The following OR14A2 variants were observed in gnomAD, a reference collection of about 807,000 sequenced individuals.
OR14A2 encodes olfactory receptor family 14 subfamily A member 2.
For missense variants in OR14A2, 237 were observed against 152.9 expected (o/e 1.55, Z -2.90); for synonymous variants, 114 against 58.6 (o/e 1.95, Z -4.32).
At chr1:247,734,036 G>A in the OR14A2 span, among the ~76,000 whole-genome samples, 2 of 152,156 alleles carry the variant, frequency 1.3e-5, no homozygotes, top group Non-Finnish European at 2.9e-5. Context: ...TTTATATTAT[G>A]TTACAGGTTG....
At chr1:247,735,197 C>G in the OR14A2 span, among the ~76,000 whole-genome samples, 1 of 152,118 alleles carries the variant, frequency 6.6e-6, no homozygotes, top group African/African-American at 2.4e-5. Flanking sequence ...GGCTTAAATC[C>G]AGAGTGAGAG....
At chr1:247,729,852 A>G in the OR14A2 span, among the ~76,000 whole-genome samples, 2 of 152,180 alleles carry the variant, frequency 1.3e-5, no homozygotes, top group East Asian at 1.9e-4. Context: ...GCAGGTTTCA[A>G]TTTTACAAAA....
the OR14A2 span, among the ~76,000 whole-genome samples, chr1:247,745,670 G>A: frequency 4.0e-5 from 6 of 151,722 alleles, no homozygotes; most frequent in Non-Finnish European, 8.8e-5. Context: ...CTTAAGCAAA[G>A]CAATAAAAAT....
chr1:247,741,096 A>G, the OR14A2 span, among the ~76,000 whole-genome samples: 1 of 152,202 alleles, frequency 6.6e-6, no homozygotes, highest in African/African-American at 2.4e-5. Context: ...GAGTCTAGCT[A>G]TAAAATATTA....
At chr1:247,729,174 A>G in the OR14A2 span, among the ~76,000 whole-genome samples, 9 of 152,182 alleles carry the variant, frequency 5.9e-5, no homozygotes, top group African/African-American at 2.2e-4. Context: ...TGTTTTAAAT[A>G]TTTTCTGAAT....
chr1:247,730,794 G>C, the OR14A2 span, among the ~76,000 whole-genome samples: 1 of 152,042 alleles, frequency 6.6e-6, no homozygotes, highest in Non-Finnish European at 1.5e-5. Flanking sequence ...TGCTATCCCA[G>C]CCCAAGAAGA....
chr1:247,743,434 A>G, the OR14A2 span, among the ~76,000 whole-genome samples: 2 of 152,326 alleles, frequency 1.3e-5, no homozygotes, highest in South Asian at 2.1e-4. Context: ...GATTGGCCTC[A>G]AGGGACAAAG....
upstream of OR14A2, among the ~76,000 whole-genome samples, chr1:247,726,382 T>C (rs1660358069): frequency 2.1e-5 from 3 of 141,688 alleles, no homozygotes; most frequent in South Asian, 7.0e-4. Context: ...TGGGGTTGTT[T>C]GTTTTTTTCT....
At chr1:247,735,601 G>A in the OR14A2 span, among the ~76,000 whole-genome samples, 1 of 152,138 alleles carries the variant, frequency 6.6e-6, no homozygotes, top group Non-Finnish European at 1.5e-5. Flanking sequence ...GACCTCCCAG[G>A]AGAGTCCCAT....
At chr1:247,723,361 G>C (rs1190055850) in exon 1 of OR14A2, 4 of 717,458 alleles carry the variant, frequency 5.6e-6, no homozygotes, top group Admixed American at 2.0e-5. Flanking sequence ...ACCTTTAGTG[G>C]TAGGGATCTT....
chr1:247,737,748 T>C, the OR14A2 span, among the ~76,000 whole-genome samples: 4 of 152,214 alleles, frequency 2.6e-5, no homozygotes, highest in Admixed American at 6.5e-5. Flanking sequence ...GGGAAAAACA[T>C]GGCCAAAACT....
the OR14A2 span, among the ~76,000 whole-genome samples, chr1:247,742,955 C>A: frequency 6.6e-6 from 1 of 152,144 alleles, no homozygotes; most frequent in African/African-American, 2.4e-5. Context: ...CACGTGACTA[C>A]TGTGTACTTT....
the OR14A2 span, chr1:247,746,604 G>C: frequency 6.6e-6 from 1 of 152,278 alleles, no homozygotes; most frequent in East Asian, 1.9e-4. Flanking sequence ...CCCCACCCTT[G>C]TGTGACCATG....
chr1:247,744,044 C>T, the OR14A2 span, among the ~76,000 whole-genome samples: 4 of 151,934 alleles, frequency 2.6e-5, no homozygotes, highest in African/African-American at 4.8e-5. This position sits in a 1 kb window ranked among gnomAD's most constrained non-coding sequence, Gnocchi z 4.3. Flanking sequence ...TTTAAATGAC[C>T]GCATCTTTTT....
At chr1:247,743,137 T>A in the OR14A2 span, among the ~76,000 whole-genome samples, 1 of 152,226 alleles carries the variant, frequency 6.6e-6, no homozygotes, top group African/African-American at 2.4e-5. Context: ...ATACAAATTA[T>A]TTCCAGTGAA....
the OR14A2 span, among the ~76,000 whole-genome samples, chr1:247,734,924 A>G: frequency 6.6e-6 from 1 of 152,202 alleles, no homozygotes; most frequent in Non-Finnish European, 1.5e-5. Context: ...AAATAACTGG[A>G]AATTACGTGA....
At chr1:247,723,871 T>C in exon 1 of OR14A2, 1 of 717,632 alleles carries the variant, frequency 1.4e-6, no homozygotes, top group South Asian at 1.5e-5. Flanking sequence ...CAGGAAGAAG[T>C]ACATGGGTGT....
the OR14A2 span, chr1:247,738,511 C>A: frequency 1.6e-6 from 1 of 635,386 alleles, no homozygotes; most frequent in Admixed American, 2.8e-5. Context: ...GGCCTTGATG[C>A]TACACATACC....
chr1:247,726,209 T>TTAA (rs1313260886), upstream of OR14A2, among the ~76,000 whole-genome samples: 2 of 119,816 alleles, frequency 1.7e-5, no homozygotes, highest in Admixed American at 1.5e-4. Flanking sequence ...TCCTGACTTT[T>TTAA]TAATGATTGC....
Sources: gnomAD v4.1 joint callset for allele counts (sites outside exome capture counted in the v4.1 genomes callset) on GRCh38, gnomAD v4.1.1 for gene constraint, Gnocchi (gnomAD v3.1) non-coding constraint, MANE v1.5 for transcripts, NCBI Gene and HGNC (gene_info 2026-07-23, HGNC 2026-07-21) for gene names.